Variants in ZBBX observed in about 807,000 individuals in gnomAD.
The protein encoded by ZBBX is zinc finger B-box domain containing.
ZBBX carries 101 observed loss-of-function variants against 108.5 expected under a neutral mutation model. The observed-to-expected ratio is 0.93, with a 90% CI of 0.79 to 1.10. The LOEUF (loss-of-function observed/expected upper bound fraction) is 1.10, where lower values mean the gene tolerates loss of function less well. Among genes scored for constraint, ZBBX ranks in the 50% least tolerant of loss-of-function variants. The probability of loss-of-function intolerance (pLI) is 0.00; values close to 1 mark genes in which losing one functional copy is unlikely to be tolerated. For missense variants in ZBBX, 1,009 were observed against 941.4 expected, an observed-to-expected ratio of 1.07 and a Z score of -0.94; for synonymous variants, 356 against 323.4, an observed-to-expected ratio of 1.10 and a Z score of -1.08.
chr3:167,403,612 T>G (rs1403088821), intron 1 of ZBBX, among the ~76,000 whole-genome samples: 1 of 151,902 alleles, frequency 6.6e-6, no homozygotes, highest in African/African-American at 2.4e-5. Flanking sequence ...TAATAATATA[T>G]GAAAAAGTAA....
At chr3:167,289,689 G>A (rs537540601) in intron 18 of ZBBX, among the ~76,000 whole-genome samples, 9 of 152,324 alleles carry the variant, frequency 5.9e-5, no homozygotes, top group South Asian at 2.1e-4. Flanking sequence ...AGCAGACACC[G>A]AGCTAGCCAC....
the ZBBX span, among the ~76,000 whole-genome samples, chr3:167,184,294 C>G: frequency 6.6e-6 from 1 of 152,048 alleles, no homozygotes; most frequent in Admixed American, 6.5e-5. Context: ...TTGGTGCATG[C>G]CTGTTGCTTC....
the ZBBX span, among the ~76,000 whole-genome samples, chr3:167,210,818 T>C: frequency 2.2e-3 from 330 of 152,104 alleles, 3 homozygotes; most frequent in East Asian, 0.021. Context: ...CTATATTCAA[T>C]AAAAATAACC....
chr3:167,385,905 G>C (rs1747908791), intron 1 of ZBBX, among the ~76,000 whole-genome samples: 1 of 152,034 alleles, frequency 6.6e-6, no homozygotes, highest in Admixed American at 6.6e-5. Flanking sequence ...TTGATAAGCA[G>C]ATATGGTGGA....
chr3:167,389,023 C>A (rs770488814), intron 1 of ZBBX, among the ~76,000 whole-genome samples: 13 of 151,780 alleles, frequency 8.6e-5, no homozygotes, highest in Non-Finnish European at 1.6e-4. Flanking sequence ...AGGTTTGTTA[C>A]ATAGGTATAC....
At chr3:167,400,599 A>G (rs958907570) in intron 1 of ZBBX, among the ~76,000 whole-genome samples, 1 of 151,804 alleles carries the variant, frequency 6.6e-6, no homozygotes, top group Non-Finnish European at 1.5e-5. Flanking sequence ...AGTACCGTGA[A>G]CTCCAAATAT....
At chr3:167,346,518 C>T (rs904296008) in intron 9 of ZBBX, among the ~76,000 whole-genome samples, 9 of 151,892 alleles carry the variant, frequency 5.9e-5, no homozygotes, top group African/African-American at 2.2e-4. Flanking sequence ...TTTGGCTACA[C>T]TTTATATTAA....
intron 20 of ZBBX, among the ~76,000 whole-genome samples, chr3:167,257,900 G>C (rs1381494361): frequency 2.0e-5 from 3 of 151,962 alleles, no homozygotes; most frequent in Non-Finnish European, 4.4e-5. Context: ...CTGGGTATTA[G>C]TCCTTTGTCA....
intron 17 of ZBBX, among the ~76,000 whole-genome samples, chr3:167,303,944 G>T (rs1156886645): frequency 6.6e-6 from 1 of 152,010 alleles, no homozygotes; most frequent in Non-Finnish European, 1.5e-5. Context: ...TGCAATACAA[G>T]CAATTTTTTA....
chr3:167,277,765 G>T (rs1727901560), intron 20 of ZBBX, among the ~76,000 whole-genome samples: 1 of 152,132 alleles, frequency 6.6e-6, no homozygotes, highest in Non-Finnish European at 1.5e-5. Context: ...GACATCTACA[G>T]AACTCTCTAC....
At chr3:167,197,046 G>T in the ZBBX span, among the ~76,000 whole-genome samples, 1 of 152,132 alleles carries the variant, frequency 6.6e-6, no homozygotes, top group Non-Finnish European at 1.5e-5. Flanking sequence ...TACGGTATAT[G>T]AGCAGAAACT....
chr3:167,196,455 C>A, the ZBBX span, among the ~76,000 whole-genome samples: 2 of 152,026 alleles, frequency 1.3e-5, no homozygotes, highest in Non-Finnish European at 2.9e-5. Flanking sequence ...TGAGTCCATC[C>A]CGGCTATATT....
At chr3:167,377,815 C>A (rs887436760) in intron 2 of ZBBX, among the ~76,000 whole-genome samples, 2 of 151,956 alleles carry the variant, frequency 1.3e-5, no homozygotes, top group Admixed American at 6.6e-5. Flanking sequence ...AAAAGTAAAG[C>A]AGGTATTGAT....
chr3:167,256,447 A>G (rs903749111), intron 20 of ZBBX, among the ~76,000 whole-genome samples: 2 of 149,002 alleles, frequency 1.3e-5, no homozygotes, highest in African/African-American at 5.2e-5. Flanking sequence ...TTATTATTTG[A>G]GTTACAAATA....
At chr3:167,397,540 A>G (rs915048460) in intron 1 of ZBBX, among the ~76,000 whole-genome samples, 1 of 151,954 alleles carries the variant, frequency 6.6e-6, no homozygotes, top group Non-Finnish European at 1.5e-5. Flanking sequence ...CCCAAATGTA[A>G]CATGTCAAAG....
chr3:167,197,047 A>C, the ZBBX span, among the ~76,000 whole-genome samples: 1 of 152,198 alleles, frequency 6.6e-6, no homozygotes, highest in African/African-American at 2.4e-5. Context: ...ACGGTATATG[A>C]GCAGAAACTG....
chr3:167,284,179 C>CAT (rs202245834), intron 19 of ZBBX, among the ~76,000 whole-genome samples: 222 of 117,602 alleles, frequency 1.9e-3, no homozygotes, highest in South Asian at 0.018. Context: ...GTGTTAAAAA[C>CAT]ATATATCTAT....
At chr3:167,385,882 T>C (rs1257323247) in intron 1 of ZBBX, among the ~76,000 whole-genome samples, 11 of 152,038 alleles carry the variant, frequency 7.2e-5, no homozygotes, top group African/African-American at 2.7e-4. Context: ...TGTTTCTTAG[T>C]TCCACCCAAG....
intron 18 of ZBBX, among the ~76,000 whole-genome samples, chr3:167,289,893 G>A (rs1730377893): frequency 6.6e-6 from 1 of 152,032 alleles, no homozygotes. Context: ...GCTCGAGCTT[G>A]GTGAAGGGAG....
Sources: gnomAD v4.1 joint callset for allele counts (sites outside exome capture counted in the v4.1 genomes callset) on GRCh38, gnomAD v4.1.1 for gene constraint, MANE v1.5 for transcripts, NCBI Gene and HGNC (gene_info 2026-07-23, HGNC 2026-07-21) for gene names.